The following RABGAP1 variants were observed in gnomAD, a reference collection of about 807,000 sequenced individuals.
RABGAP1 encodes RAB GTPase activating protein 1.
In RABGAP1, 23 loss-of-function variants were observed where a neutral mutation model predicts 137.6. That is an observed-to-expected ratio of 0.17 (90% confidence interval 0.12 to 0.24). RABGAP1 has a LOEUF of 0.24. Ranked by LOEUF, RABGAP1 falls within the 10% of genes least tolerant of loss-of-function variation. RABGAP1 has a pLI of 1.00. For synonymous variants in RABGAP1, 451 were observed against 450.7 expected (o/e 1.00, Z -0.01); for missense variants, 906 against 1,275.8 (o/e 0.71, Z 4.42).
At chr9:123,073,751 C>T in intron 16 of RABGAP1, 74 bp downstream of exon 16, 2 of 1,582,868 alleles carry the variant, frequency 1.3e-6, no homozygotes, top group Admixed American at 1.8e-5. Context: ...GGAAATGGTG[C>T]CAGGGAGCAT....
chr9:122,975,022 T>C (rs1835690048), intron 2 of RABGAP1, among the ~76,000 whole-genome samples: 1 of 152,248 alleles, frequency 6.6e-6, no homozygotes, highest in African/African-American at 2.4e-5. Flanking sequence ...GGTTATTTAG[T>C]GTTATAAGTA....
intron 2 of RABGAP1, among the ~76,000 whole-genome samples, chr9:122,983,304 C>G (rs1836185036): frequency 6.6e-6 from 1 of 152,208 alleles, no homozygotes; most frequent in Non-Finnish European, 1.5e-5. Flanking sequence ...AGCAGTAACT[C>G]CAAACATAAA....
intron 13 of RABGAP1, chr9:123,062,265 A>G (rs980669118): frequency 1.3e-5 from 2 of 152,152 alleles, no homozygotes; most frequent in Admixed American, 6.6e-5. Context: ...CGAAACAAGA[A>G]AGAAAAGGAA....
intron 13 of RABGAP1, among the ~76,000 whole-genome samples, chr9:123,038,759 A>T (rs2032800184): frequency 6.6e-6 from 1 of 151,196 alleles, no homozygotes; most frequent in Non-Finnish European, 1.5e-5. Flanking sequence ...AAATTTATAT[A>T]TTATTAATAT....
intron 21 of RABGAP1, among the ~76,000 whole-genome samples, chr9:123,093,591 C>T (rs1460651625): frequency 6.6e-6 from 1 of 152,226 alleles, no homozygotes; most frequent in Non-Finnish European, 1.5e-5. Context: ...ATTGAGTTAG[C>T]TTGGCCCCTT....
Position 123,093,822 on chromosome 9 carries a change from T to G in RABGAP1, c.2628+3437T>G, listed in dbSNP as rs556092222. ...TTATGAATATCTAGAAATAAAAGCC[T>G]CTGGCTTTTGAGTGAGGTTCATGGA... On this transcript the variant is annotated intron_variant, in intron 21 of 25. Coordinates refer to ENST00000373647, the MANE Select transcript of RABGAP1 (RefSeq NM_012197.4). 5.3e-5 allele frequency among the ~76,000 whole-genome samples: 8 copies of G among 152,366 alleles called. No individual in the cohort carries two copies. In the South Asian group the frequency reaches 1.7e-3, roughly 32 times the overall value.
intron 13 of RABGAP1, among the ~76,000 whole-genome samples, chr9:123,059,049 T>C (rs547233916): frequency 2.0e-5 from 3 of 152,298 alleles, no homozygotes; most frequent in Admixed American, 1.3e-4. Context: ...AGTCTACTTG[T>C]GAAGTGGTCA....
Position 123,035,531 on chromosome 9 carries a change from T to C in RABGAP1, c.1794+15072T>C, listed in dbSNP as rs368504941. The C allele has an allele frequency of 1.9e-6, 3 of 1,614,086 alleles. No homozygotes were observed. The highest frequency in any genetic ancestry group is 2.5e-6 in the Non-Finnish European group (3 of 1,179,970). On this transcript the variant is annotated intron_variant, in intron 13 of 25. Coordinates refer to ENST00000373647, the MANE Select transcript of RABGAP1 (RefSeq NM_012197.4). The stretch of plus-strand genomic sequence containing the variant: ...GGACTAAAGCGCCTCTCAGGGGCTA[T>C]GTGTACTTCTTGTGCAAGTCAGACT...
chr9:123,074,514 A>G, intron 17 of RABGAP1, 86 bp downstream of exon 17: 1 of 1,377,902 alleles, frequency 7.3e-7, no homozygotes, highest in Non-Finnish European at 9.9e-7. Context: ...CAGCTCTGTC[A>G]AAACAGAATT....
chr9:122,978,574 G>T (rs1835884923), intron 2 of RABGAP1, among the ~76,000 whole-genome samples: 1 of 152,150 alleles, frequency 6.6e-6, no homozygotes, highest in Non-Finnish European at 1.5e-5. Context: ...GTTTGAGGCT[G>T]CAGTGAGCTA....
intron 13 of RABGAP1, among the ~76,000 whole-genome samples, chr9:123,051,339 C>T (rs759435276): frequency 2.1e-5 from 3 of 140,674 alleles, no homozygotes; most frequent in Non-Finnish European, 4.5e-5. Context: ...CCTCCGCCTC[C>T]CAGGTTTAAG....
chr9:122,956,628 C>T lies in RABGAP1; in HGVS notation c.-49-383C>T, dbSNP rs915626249. ...TCCCGCCACTGCACTCCAGCCTGGG[C>T]GACAGAGTGAGACTCCGTCTCAAAA... On this transcript the variant is annotated intron_variant, in intron 1 of 25. Coordinates refer to ENST00000373647, the MANE Select transcript of RABGAP1 (RefSeq NM_012197.4). 1.6e-4 allele frequency among the ~76,000 whole-genome samples: 20 copies of T among 126,770 alleles called. No individual in the cohort carries two copies. The South Asian group carries it at 2.9e-3, about 19-fold the overall frequency. The allele number at this position is 126,770 out of a possible 152,430, so 83.2% of individuals were successfully genotyped here.
chr9:122,981,789 C>T (rs1186315380), intron 2 of RABGAP1, among the ~76,000 whole-genome samples: 1 of 152,194 alleles, frequency 6.6e-6, no homozygotes, highest in Non-Finnish European at 1.5e-5. Flanking sequence ...TGGCTCATGA[C>T]TATAATCCTA....
At chr9:123,036,703 T>G (rs1249240109) in intron 13 of RABGAP1, among the ~76,000 whole-genome samples, 1 of 152,160 alleles carries the variant, frequency 6.6e-6, no homozygotes, top group African/African-American at 2.4e-5. Flanking sequence ...AAAGTATTCT[T>G]TCAGTTAGTG....
chr9:123,098,622 C>T, intron 22 of RABGAP1, 93 bp from the exon 23 acceptor site: 1 of 1,020,290 alleles, frequency 9.8e-7, no homozygotes. Flanking sequence ...TTTGGTTCAG[C>T]AGTTTTTGGG....
chr9:123,036,975 G>T (rs918170521), intron 13 of RABGAP1, among the ~76,000 whole-genome samples: 26 of 152,294 alleles, frequency 1.7e-4, no homozygotes, highest in African/African-American at 6.0e-4. Context: ...TCTAAAAGGA[G>T]AGAAGGAATT....
chr9:122,992,842 A>T (rs1041374049), intron 6 of RABGAP1, among the ~76,000 whole-genome samples: 1 of 150,622 alleles, frequency 6.6e-6, no homozygotes, highest in African/African-American at 2.4e-5. Context: ...TTATTATACC[A>T]AAATAATTAT....
chr9:123,039,656 C>T (rs1438798973), intron 13 of RABGAP1, among the ~76,000 whole-genome samples: 1 of 152,140 alleles, frequency 6.6e-6, no homozygotes, highest in Non-Finnish European at 1.5e-5. Flanking sequence ...CTTCTGGAAA[C>T]TCTGTAGCTT....
chr9:123,081,615 T>C (rs2034710921), intron 19 of RABGAP1, among the ~76,000 whole-genome samples: 1 of 152,034 alleles, frequency 6.6e-6, no homozygotes, highest in Non-Finnish European at 1.5e-5. Context: ...TTTTTTTTTT[T>C]TATTTTGTGT....
Sources: gnomAD v4.1 joint callset for allele counts (sites outside exome capture counted in the v4.1 genomes callset) on GRCh38, gnomAD v4.1.1 for gene constraint, MANE v1.5 for transcripts, NCBI Gene and HGNC (gene_info 2026-07-23, HGNC 2026-07-21) for gene names.